The following SP4 variants were observed in gnomAD, a reference collection of about 807,000 sequenced individuals.
SP4 encodes the protein Sp4 transcription factor.
In SP4, 19 loss-of-function variants were observed where a neutral mutation model predicts 72.8. That is an observed-to-expected ratio of 0.26 (90% CI 0.18 to 0.38). The LOEUF (loss-of-function observed/expected upper bound fraction) is 0.38, where lower values mean the gene tolerates loss of function less well. Among genes scored for constraint, SP4 ranks in the 10% least tolerant of loss-of-function variants. The probability of loss-of-function intolerance (pLI) is 1.00; values close to 1 mark genes in which losing one functional copy is unlikely to be tolerated. For synonymous variants in SP4, 395 were observed against 333.1 expected, an observed-to-expected ratio of 1.19 and a Z score of -2.02; for missense variants, 1,008 against 926.3, an observed-to-expected ratio of 1.09 and a Z score of -1.14.
chr7:21,475,286 T>C (rs1403992203), intron 3 of SP4, among the ~76,000 whole-genome samples: 2 of 151,974 alleles, frequency 1.3e-5, no homozygotes. Flanking sequence ...GGCTAATTTT[T>C]TGTATTTTTA....
intron 3 of SP4, among the ~76,000 whole-genome samples, chr7:21,442,383 G>A (rs2128395074): frequency 6.6e-6 from 1 of 152,050 alleles, no homozygotes; most frequent in South Asian, 2.1e-4. Flanking sequence ...GTAATCAAAG[G>A]CATGTCATAG....
chr7:21,463,134 G>A (rs916893296), intron 3 of SP4, among the ~76,000 whole-genome samples: 1 of 150,964 alleles, frequency 6.6e-6, no homozygotes, highest in African/African-American at 2.4e-5. Flanking sequence ...TCTAAAATGA[G>A]ATTTTAAAAA....
intron 5 of SP4, among the ~76,000 whole-genome samples, chr7:21,503,924 A>G (rs1160871689): frequency 6.6e-6 from 1 of 152,270 alleles, no homozygotes; most frequent in African/African-American, 2.4e-5. Context: ...CATTGACTCC[A>G]TTTGTGTAAT....
intron 5 of SP4, among the ~76,000 whole-genome samples, chr7:21,494,198 CT>C (rs1785051018): frequency 6.6e-6 from 1 of 152,138 alleles, no homozygotes; most frequent in Non-Finnish European, 1.5e-5. Flanking sequence ...GATGAAGGAC[CT>C]TTTGCTTCCC....
In SP4 at chr7:21,428,249, G is replaced by T. The variant is rs1782685575; in HGVS notation, c.-3G>T. 2 of 1,503,136 alleles carry T rather than the reference G, an allele frequency of 1.3e-6. No individual in the cohort carries two copies. Among genetic ancestry groups the T allele is most frequent in the Non-Finnish European group, 1.8e-6 (2 of 1,110,500 alleles). The allele number at this position is 1,503,136 out of a possible 1,614,324, so 93.1% of individuals were successfully genotyped here. ...GTCTGAGGGTTTGTCCTGTTAATGC[G>T]GGATGAGCGGTACGTATTCTCCACC... is the stretch of plus-strand genomic sequence containing the variant. On this transcript the variant is annotated 5_prime_UTR_variant, in exon 1 of 6. Transcript: ENST00000222584.
In SP4 at chr7:21,428,693, G is replaced by A. The variant is rs964339605; in HGVS notation, c.24G>A (p.Glu8=). 9.0e-6 allele frequency: 14 copies of A among 1,553,258 alleles called. No individual in the cohort carries two copies. The highest frequency in any genetic ancestry group is 1.2e-5 in the Non-Finnish European group (14 of 1,147,422). MSDQKKE[E]EEEAAAAAAM... is the part of the protein sequence containing the mutation. Reference sequence around the variant, plus strand: ...TTGTTGCAGATCAGAAGAAGGAGGAGGAGGAGGAGGCGGCAGCGGCAGCGG... The same window carrying A: ...TTGTTGCAGATCAGAAGAAGGAGGAAGAGGAGGAGGCGGCAGCGGCAGCGG... The change falls in exon 2 of 6, where the codon GAG becomes GAA. Residue 8 remains glutamate (E), a synonymous_variant. Transcript: ENST00000222584.
At chr7:21,477,929 C>A (rs575704224) in intron 4 of SP4, among the ~76,000 whole-genome samples, 1 of 152,076 alleles carries the variant, frequency 6.6e-6, no homozygotes, top group Non-Finnish European at 1.5e-5. Context: ...TTAAAGTGTA[C>A]AATTCAGTGG....
chr7:21,454,741 CT>C (rs1261807866), intron 3 of SP4, among the ~76,000 whole-genome samples: 1 of 152,126 alleles, frequency 6.6e-6, no homozygotes, highest in Admixed American at 6.5e-5. Context: ...TGAGGTAGGA[CT>C]TTCCAGTTGA....
At chr7:21,452,369 G>A (rs1783626542) in intron 3 of SP4, among the ~76,000 whole-genome samples, 2 of 152,114 alleles carry the variant, frequency 1.3e-5, no homozygotes, top group African/African-American at 4.8e-5. Context: ...AAAACCTTAA[G>A]CCCAGCTATC....
At chr7:21,456,743 C>G (rs75772156) in intron 3 of SP4, among the ~76,000 whole-genome samples, 1 of 152,170 alleles carries the variant, frequency 6.6e-6, no homozygotes, top group African/African-American at 2.4e-5. Context: ...AGACAGCACA[C>G]GGTCTTAGGC....
At chr7:21,442,804 T>G (rs1378662985) in intron 3 of SP4, among the ~76,000 whole-genome samples, 1 of 152,164 alleles carries the variant, frequency 6.6e-6, no homozygotes, top group Non-Finnish European at 1.5e-5. Context: ...GGCACGATCT[T>G]GGCTCACTGC....
chr7:21,450,172 T>G (rs1783545930), intron 3 of SP4, among the ~76,000 whole-genome samples: 1 of 152,178 alleles, frequency 6.6e-6, no homozygotes, highest in African/African-American at 2.4e-5. Context: ...TGCAGCAGCC[T>G]TTAAGCCAGG....
chr7:21,440,139 T>C (rs1274320675), intron 3 of SP4, among the ~76,000 whole-genome samples: 4 of 152,148 alleles, frequency 2.6e-5, no homozygotes, highest in African/African-American at 9.7e-5. Context: ...AAAACTCACA[T>C]TTTTGCTTGG....
chr7:21,455,653 T>C (rs1783740747), intron 3 of SP4, among the ~76,000 whole-genome samples: 1 of 152,196 alleles, frequency 6.6e-6, no homozygotes, highest in Admixed American at 6.5e-5. Context: ...CAGTTCATCC[T>C]TGGGGTTACG....
intron 3 of SP4, among the ~76,000 whole-genome samples, chr7:21,442,822 G>A (rs1333582360): frequency 6.6e-6 from 1 of 152,194 alleles, no homozygotes; most frequent in Non-Finnish European, 1.5e-5. Flanking sequence ...TGCAGCCTCT[G>A]CCTTCCGGGT....
chr7:21,444,404 A>G (rs1349453477), intron 3 of SP4, among the ~76,000 whole-genome samples: 1 of 152,218 alleles, frequency 6.6e-6, no homozygotes, highest in African/African-American at 2.4e-5. Flanking sequence ...CTATTAACTT[A>G]TTTAATCTTC....
intron 3 of SP4, among the ~76,000 whole-genome samples, chr7:21,438,323 C>T (rs1243569372): frequency 6.6e-6 from 1 of 152,084 alleles, no homozygotes; most frequent in South Asian, 2.1e-4. Flanking sequence ...GGCCAGAGTT[C>T]TCTGTAAGTC....
At chr7:21,444,312 T>C (rs1783354910) in intron 3 of SP4, among the ~76,000 whole-genome samples, 1 of 152,242 alleles carries the variant, frequency 6.6e-6, no homozygotes, top group Non-Finnish European at 1.5e-5. Context: ...GGGTACTTCT[T>C]TGAACCTTAT....
intron 5 of SP4, among the ~76,000 whole-genome samples, chr7:21,504,253 C>T (rs1217884386): frequency 6.6e-6 from 1 of 152,148 alleles, no homozygotes; most frequent in East Asian, 1.9e-4. Flanking sequence ...GACCAGTTCC[C>T]CAGGTACCAA....
Sources: gnomAD v4.1 joint callset for allele counts (sites outside exome capture counted in the v4.1 genomes callset) on GRCh38, gnomAD v4.1.1 for gene constraint, MANE v1.5 for transcripts, NCBI Gene and HGNC (gene_info 2026-07-23, HGNC 2026-07-21) for gene names.